Variants in PCDHGA4 observed in about 807,000 individuals in gnomAD.
The protein encoded by PCDHGA4 is protocadherin gamma subfamily A, 4.
PCDHGA4 carries 38 observed loss-of-function variants against 54.6 expected under a neutral mutation model. The observed-to-expected ratio is 0.70, with a 90% CI of 0.54 to 0.91. The LOEUF (loss-of-function observed/expected upper bound fraction) is 0.91, where lower values mean the gene tolerates loss of function less well. PCDHGA4 is among the 40% of genes least tolerant of loss of function. The pLI is 0.00. For synonymous variants in PCDHGA4, 511 were observed against 512.9 expected (o/e 1.00, Z 0.05); for missense variants, 1,298 against 1,220.9 (o/e 1.06, Z -0.94).
chr5:141,446,920 C>T (rs2098520337), intron 1 of PCDHGA4, among the ~76,000 whole-genome samples: 1 of 152,108 alleles, frequency 6.6e-6, no homozygotes, highest in African/African-American at 2.4e-5. Flanking sequence ...TATTTATCTT[C>T]CTGATCTCTT....
chr5:141,408,219 C>T (rs560438654), intron 1 of PCDHGA4: 4 of 1,557,930 alleles, frequency 2.6e-6, no homozygotes, highest in East Asian at 4.8e-5. Flanking sequence ...GGGAGCTGCG[C>T]GCAGAGGCGC....
intron 1 of PCDHGA4, chr5:141,423,833 T>G: frequency 1.8e-5 from 23 of 1,262,362 alleles, no homozygotes; most frequent in East Asian, 7.3e-5. Flanking sequence ...TTCATGAGAT[T>G]ACGATAATCT....
intron 1 of PCDHGA4, among the ~76,000 whole-genome samples, chr5:141,461,958 G>C (rs1048690044): frequency 4.5e-4 from 69 of 152,272 alleles, no homozygotes; most frequent in Non-Finnish European, 2.9e-4. Context: ...TGAGTAGCTG[G>C]GATTCCAGGC....
Position 141,485,842 on chromosome 5 carries a change from T to G in PCDHGA4, c.2515-8965T>G. 4 of 1,614,002 alleles carry G rather than the reference T, an allele frequency of 2.5e-6. No homozygotes were observed. The highest frequency in any genetic ancestry group is 3.4e-6 in the Non-Finnish European group (4 of 1,179,982). On this transcript the variant is annotated intron_variant, in intron 1 of 3. Coordinates refer to ENST00000571252, the MANE Select transcript of PCDHGA4 (RefSeq NM_018917.4). The surrounding 1 kb of genome is among the most constrained non-coding windows in gnomAD (Gnocchi z 5.7). ...TCGATGGAGGGAACCCGCCGAGATC[T>G]GGCACCGCAGAGCTCCGGGTATCCG...
At chr5:141,361,476 T>C (rs1762040373) in intron 1 of PCDHGA4, 1 of 1,613,994 alleles carries the variant, frequency 6.2e-7, no homozygotes, top group Non-Finnish European at 8.5e-7. Context: ...ACGTCAACGA[T>C]AATGCCCCAG....
intron 1 of PCDHGA4, chr5:141,423,468 A>G (rs1474468597): frequency 6.2e-7 from 1 of 1,613,960 alleles, no homozygotes; most frequent in Admixed American, 1.7e-5. Flanking sequence ...TGGACGGGGT[A>G]CAGGCTTTCC....
In PCDHGA4 at chr5:141,357,579, A is replaced by T. The variant is rs980931291; in HGVS notation, c.2472A>T (p.Ile824=). 5 of 1,614,088 alleles carry T rather than the reference A, an allele frequency of 3.1e-6. No homozygotes were observed. In the African/African-American group the frequency reaches 5.3e-5, roughly 17 times the overall value. ...ESCEKSEPLL[I]TQDLLETKGD... ...GTGAGAAAAGCGAGCCTCTTCTGAT[A>T]ACTCAGGATTTACTTGAAACAAAAG... The change falls in exon 1 of 4, where the codon ATA becomes ATT. Residue 824 remains isoleucine (I), a synonymous_variant. Transcript: ENST00000571252.
chr5:141,474,608 T>C (rs1469173973), intron 1 of PCDHGA4, among the ~76,000 whole-genome samples: 1 of 152,268 alleles, frequency 6.6e-6, no homozygotes, highest in Non-Finnish European at 1.5e-5. Flanking sequence ...AGGTCACATA[T>C]GGCTTTTCAT....
intron 1 of PCDHGA4, among the ~76,000 whole-genome samples, chr5:141,450,322 T>A (rs1246284108): frequency 6.6e-6 from 1 of 152,106 alleles, no homozygotes; most frequent in African/African-American, 2.4e-5. Context: ...CTAGTTGCCA[T>A]GTCTCTTTAA....
chr5:141,387,704 GC>G (rs1273015763), intron 1 of PCDHGA4: 1 of 969,516 alleles, frequency 1.0e-6, no homozygotes, highest in African/African-American at 1.6e-5. Flanking sequence ...TTCCAGGGCA[GC>G]CCCAGCTCAG....
In PCDHGA4 at chr5:141,491,908, G is replaced by T; in HGVS notation, c.2515-2899G>T. ...GGGGCTCCGAGCACCGGGGGTGGTG[G>T]CGACTGTGGGCGAGGGGAGGTGGGA... On this transcript the variant is annotated intron_variant, in intron 1 of 3. Transcript: ENST00000571252. The surrounding 1 kb of genome is among the most constrained non-coding windows in gnomAD (Gnocchi z 6.9). 7.1e-7 allele frequency: 1 copy of T among 1,408,288 alleles called. No homozygotes were observed. Among genetic ancestry groups the T allele is most frequent in the Non-Finnish European group, 9.4e-7 (1 of 1,060,836 alleles). The allele number at this position is 1,408,288 out of a possible 1,614,324, so 87.2% of individuals were successfully genotyped here. A position where few individuals can be genotyped will look rare whatever the true frequency, so the allele number is the denominator to read the frequency against.
At position 141,357,434 on chromosome 5, in the gene PCDHGA4, G is replaced by T; in HGVS notation, c.2327G>T (p.Gly776Val). 6.2e-7 allele frequency: 1 copy of T among 1,614,214 alleles called. No homozygotes were observed. Among genetic ancestry groups the T allele is most frequent in the Non-Finnish European group, 8.5e-7 (1 of 1,180,044 alleles). The change falls in exon 1 of 4, where the codon GGG becomes GTG. Residue 776 changes from glycine (G) to valine (V), a missense_variant. By Grantham distance (109) the Gly-to-Val change is moderately radical (BLOSUM62 -3). Transcript: ENST00000571252. ...GCCTCGCACTTTGTGGGCGTGGACG[G>T]GGTTCGGGCTTTCCTGCAGACCTAT... The part of the protein sequence containing the change: ...VPASHFVGVD[G>V]VRAFLQTYSH...
At chr5:141,419,023 A>T (rs768427376) in intron 1 of PCDHGA4, 2 of 1,613,958 alleles carry the variant, frequency 1.2e-6, no homozygotes, top group Non-Finnish European at 1.7e-6. Flanking sequence ...GCTTAAGTAG[A>T]GGTGTTCCAT....
Position 141,476,241 on chromosome 5 carries a change from A to G in PCDHGA4, c.2515-18566A>G, listed in dbSNP as rs375405507. ...CACTATGAGATCCCGGAGGAAAGAG[A>G]GAAGGGTTTCGCTGTGGGCAACGTG... On this transcript the variant is annotated intron_variant, in intron 1 of 3. Transcript: ENST00000571252. The surrounding 1 kb of genome is among the most constrained non-coding windows in gnomAD (Gnocchi z 7.6). 3.7e-6 allele frequency: 6 copies of G among 1,613,626 alleles called. No homozygotes were observed. The highest frequency in any genetic ancestry group is 2.2e-5 in the East Asian group (1 of 44,834).
At position 141,371,889 on chromosome 5, in the gene PCDHGA4, C is replaced by T. The variant is rs778087129; in HGVS notation, c.2514+14268C>T. 5 of 1,613,316 alleles carry T rather than the reference C, an allele frequency of 3.1e-6. No individual in the cohort carries two copies. The East Asian group carries it at 6.7e-5, about 22-fold the overall frequency. On this transcript the variant is annotated intron_variant, in intron 1 of 3. Coordinates refer to ENST00000571252, the MANE Select transcript of PCDHGA4 (RefSeq NM_018917.4). ...CATCGTGGCCAGTGACCTGGAGCCG[C>T]GGGAGCTGTCGTCCTACGTGTCCGT...
At position 141,432,612 on chromosome 5, in the gene PCDHGA4, C is replaced by A. The variant is rs752901891; in HGVS notation, c.2515-62195C>A. On this transcript the variant is annotated intron_variant, in intron 1 of 3. Transcript: ENST00000571252. This position sits in a 1 kb window ranked among gnomAD's most constrained non-coding sequence, Gnocchi z 6.0. ...AAGGCCAGCGAGCCGGGACTCTTCT[C>A]GGTGGGTCTGCACACGGGCGAGGTG... 1 of 1,613,912 alleles carries A rather than the reference C, an allele frequency of 6.2e-7. No individual in the cohort carries two copies. The highest frequency in any genetic ancestry group is 1.1e-5 in the South Asian group (1 of 91,062).
At chr5:141,409,723 G>T (rs781363259) in intron 1 of PCDHGA4, 1 of 1,613,154 alleles carries the variant, frequency 6.2e-7, no homozygotes, top group Non-Finnish European at 8.5e-7. Flanking sequence ...ACGTGTCAGT[G>T]AGCGCGCAGA....
intron 1 of PCDHGA4, among the ~76,000 whole-genome samples, chr5:141,462,688 A>G (rs919098530): frequency 3.9e-5 from 6 of 152,126 alleles, no homozygotes; most frequent in African/African-American, 1.4e-4. Flanking sequence ...TTTTGAGCAC[A>G]TTTATAATGG....
Position 141,486,672 on chromosome 5 carries a change from G to A in PCDHGA4, c.2515-8135G>A. The A allele has an allele frequency of 5.0e-6, 8 of 1,614,000 alleles. No homozygotes were observed. Among genetic ancestry groups the A allele is most frequent in the Non-Finnish European group, 5.9e-6 (7 of 1,180,028 alleles). On this transcript the variant is annotated intron_variant, in intron 1 of 3. Coordinates refer to ENST00000571252, the MANE Select transcript of PCDHGA4 (RefSeq NM_018917.4). This position sits in a 1 kb window ranked among gnomAD's most constrained non-coding sequence, Gnocchi z 5.0. Reference sequence around the variant, plus strand: ...TACTCACTCCTGGAGCCCAGGAATCGAGATGTATCAGCTTCCTCTTTCATC... The same window carrying A: ...TACTCACTCCTGGAGCCCAGGAATCAAGATGTATCAGCTTCCTCTTTCATC...
Sources: gnomAD v4.1 joint callset for allele counts (sites outside exome capture counted in the v4.1 genomes callset) on GRCh38, gnomAD v4.1.1 for gene constraint, Gnocchi (gnomAD v3.1) non-coding constraint, MANE v1.5 for transcripts, NCBI Gene and HGNC (gene_info 2026-07-23, HGNC 2026-07-21) for gene names.